Variants in LYZL1 observed in about 807,000 individuals in gnomAD.
LYZL1 encodes lysozyme-like protein 1.
Under a neutral mutation model 17.9 loss-of-function variants are expected in LYZL1, and 16 were observed. The observed-to-expected ratio is 0.90, with a 90% CI of 0.61 to 1.36. The LOEUF is 1.36. Ranked by LOEUF, LYZL1 falls within the 40% of genes most tolerant of loss-of-function variation. LYZL1 has a pLI of 0.00. For synonymous variants in LYZL1, 58 were observed against 71.8 expected, an observed-to-expected ratio of 0.81 and a Z score of 0.97; for missense variants, 149 against 188.4, an observed-to-expected ratio of 0.79 and a Z score of 1.22.
rs756884633 is a variant in LYZL1, at chr10:29,311,039, A to G, written c.427A>G (p.Lys143Glu). The change falls in exon 5 of 5, where the codon AAA becomes GAA. Residue 143 changes from lysine (K) to glutamate (E), a missense_variant. Around this residue, in one of 2 missense-constraint regions of LYZL1, gnomAD observed 130 missense variants for 132.5 expected, o/e 0.98. Coordinates refer to ENST00000649382, the MANE Select transcript of LYZL1 (RefSeq NM_032517.6). ...GGGCAGAGACCTGTCCGAGTGGAAA[A>G]AAGGCTGTGAGGTTTCCTAAACTGG... Reference protein sequence around the residue: ...CEGRDLSEWKKGCEVS With the variant: ...CEGRDLSEWKEGCEVS 6.2e-7 allele frequency: 1 copy of G among 1,614,168 alleles called. No individual in the cohort carries two copies. Among genetic ancestry groups the G allele is most frequent in the South Asian group, 1.1e-5 (1 of 91,078 alleles).
chr10:29,312,487 G>C (rs1179168833), downstream of LYZL1, among the ~76,000 whole-genome samples: 1 of 152,034 alleles, frequency 6.6e-6, no homozygotes, highest in African/African-American at 2.4e-5. Flanking sequence ...GCCAAAAGAT[G>C]GGACACCCCT....
intron 3 of LYZL1, among the ~76,000 whole-genome samples, chr10:29,293,401 G>A (rs1835404286): frequency 6.6e-6 from 1 of 152,002 alleles, no homozygotes; most frequent in Non-Finnish European, 1.5e-5. Context: ...CTCTCAGAGT[G>A]CTATAGTTAT....
intron 3 of LYZL1, among the ~76,000 whole-genome samples, chr10:29,293,884 G>C (rs1342309855): frequency 6.6e-6 from 1 of 151,950 alleles, no homozygotes; most frequent in Non-Finnish European, 1.5e-5. Context: ...TGAAGCGGGA[G>C]AATTGCTTGA....
At chr10:29,305,698 GT>G (rs1486662584) in intron 3 of LYZL1, among the ~76,000 whole-genome samples, 24 of 152,186 alleles carry the variant, frequency 1.6e-4, no homozygotes, top group Non-Finnish European at 1.5e-5. Flanking sequence ...ATTTGCATAT[GT>G]TGTTTCAATT....
At chr10:29,312,936 C>A (rs892735146), downstream of LYZL1, among the ~76,000 whole-genome samples, 1 of 152,134 alleles carries the variant, frequency 6.6e-6, no homozygotes, top group Non-Finnish European at 1.5e-5. Flanking sequence ...AAGTAAGTTT[C>A]CCACTTAGAA....
At chr10:29,307,239 T>C (rs1835608134) in intron 3 of LYZL1, among the ~76,000 whole-genome samples, 1 of 152,186 alleles carries the variant, frequency 6.6e-6, no homozygotes, top group South Asian at 2.1e-4. Flanking sequence ...CTTCCTCACC[T>C]TATAACTGAA....
At chr10:29,305,895 A>G (rs1262197690) in intron 3 of LYZL1, among the ~76,000 whole-genome samples, 1 of 152,236 alleles carries the variant, frequency 6.6e-6, no homozygotes, top group Non-Finnish European at 1.5e-5. Flanking sequence ...AGCATGCTCG[A>G]GGGAAAATTC....
intron 1 of LYZL1, among the ~76,000 whole-genome samples, chr10:29,290,830 T>C (rs1617715): frequency 0.74 from 112,267 of 151,976 alleles, 41,765 homozygotes; most frequent in Middle Eastern, 0.87. Flanking sequence ...CAGAGTGAGA[T>C]TCCATCTCAA....
intron 3 of LYZL1, among the ~76,000 whole-genome samples, chr10:29,305,084 C>T (rs1265014662): frequency 6.6e-6 from 1 of 152,124 alleles, no homozygotes; most frequent in African/African-American, 2.4e-5. Flanking sequence ...TTCCTCCTCA[C>T]TATGTATTAT....
chr10:29,296,750 A>G, intron 3 of LYZL1, among the ~76,000 whole-genome samples: 1 of 152,164 alleles, frequency 6.6e-6, no homozygotes, highest in Non-Finnish European at 1.5e-5. Context: ...TTGAAAGGAA[A>G]TTACTAATGA....
At position 29,304,332 on chromosome 10, in the gene LYZL1, T is replaced by A. The variant is rs555320231; in HGVS notation, c.299-5778T>A. On this transcript the variant is annotated intron_variant, in intron 3 of 4. Transcript: ENST00000649382. ...GGAAAAAATGATTATTGACTCTCTA[T>A]CTAGTGTAGTCTAGTGCACTTATAT... Among the ~76,000 whole-genome samples the A allele has an allele frequency of 1.2e-4, 19 of 152,290 alleles. No individual in the cohort carries two copies. In the South Asian group the frequency reaches 3.9e-3, roughly 32 times the overall value.
intron 3 of LYZL1, among the ~76,000 whole-genome samples, chr10:29,301,119 TG>T (rs1258727304): frequency 1.3e-5 from 2 of 152,056 alleles, no homozygotes; most frequent in African/African-American, 4.8e-5. Flanking sequence ...GATTGAATTA[TG>T]GGGGCAGTTC....
intron 3 of LYZL1, among the ~76,000 whole-genome samples, chr10:29,309,469 G>C (rs545309285): frequency 6.6e-6 from 1 of 152,152 alleles, no homozygotes; most frequent in Non-Finnish European, 1.5e-5. Flanking sequence ...AACCCACATA[G>C]AGAAAACATT....
intron 3 of LYZL1, among the ~76,000 whole-genome samples, chr10:29,309,364 CA>C (rs1414703406): frequency 3.3e-5 from 5 of 151,998 alleles, no homozygotes; most frequent in African/African-American, 1.2e-4. Flanking sequence ...CAAAACAAAA[CA>C]AAACCCTGGA....
At chr10:29,316,719 C>CT (rs35261405) in intron 3 of LYZL1, among the ~76,000 whole-genome samples, 35,951 of 100,464 alleles carry the variant, frequency 0.36, 4,922 homozygotes, top group Middle Eastern at 0.46. Flanking sequence ...TTTTTTTTTT[C>CT]TTTTTTTTTT....
At chr10:29,290,703 G>A (rs1373759160) in intron 1 of LYZL1, among the ~76,000 whole-genome samples, 18 of 152,118 alleles carry the variant, frequency 1.2e-4, no homozygotes, top group South Asian at 2.1e-4. Context: ...GCCAGGTGTG[G>A]TGGTGGGCGC....
intron 3 of LYZL1, among the ~76,000 whole-genome samples, chr10:29,306,267 T>TAAAGTTTTAATTA (rs1564392916): frequency 2.1e-4 from 32 of 151,392 alleles, no homozygotes; most frequent in South Asian, 4.2e-4. Flanking sequence ...AATAAGGAAC[T>TAAAGTTTTAATTA]TGGCCGGGCG....
At chr10:29,292,922 G>A (rs1377921668) in intron 3 of LYZL1, among the ~76,000 whole-genome samples, 2 of 152,144 alleles carry the variant, frequency 1.3e-5, no homozygotes, top group Non-Finnish European at 1.5e-5. Context: ...CAGGTGGATG[G>A]ACAAACAACC....
chr10:29,314,974 A>C (rs944408123), downstream of LYZL1, among the ~76,000 whole-genome samples: 8 of 152,276 alleles, frequency 5.3e-5, no homozygotes, highest in Non-Finnish European at 8.8e-5. Context: ...TGTGTTCCAC[A>C]CAGCCACTTC....
Sources: allele counts gnomAD v4.1 joint callset (sites outside exome capture counted in the v4.1 genomes callset), GRCh38; gene constraint gnomAD v4.1.1; regional missense constraint gnomAD v4.1.1; transcripts MANE v1.5; gene names NCBI Gene and HGNC (gene_info 2026-07-23, HGNC 2026-07-21).